DIAPH3: variants seen among roughly 807,000 people sequenced by gnomAD.
DIAPH3 encodes the protein protein diaphanous homolog 3.
Under a neutral mutation model 144.3 loss-of-function variants are expected in DIAPH3, and 117 were observed. That is an observed-to-expected ratio of 0.81 (90% CI 0.70 to 0.95). The LOEUF (loss-of-function observed/expected upper bound fraction) is 0.95, where lower values mean the gene tolerates loss of function less well. Among genes scored for constraint, DIAPH3 ranks in the 40% least tolerant of loss-of-function variants. The pLI is 0.00. For synonymous variants in DIAPH3, 519 were observed against 488.9 expected, an observed-to-expected ratio of 1.06 and a Z score of -0.81; for missense variants, 1,421 against 1,412.7, an observed-to-expected ratio of 1.01 and a Z score of -0.09.
chr13:59,942,011 A>G (rs1413596054), intron 17 of DIAPH3, among the ~76,000 whole-genome samples: 1 of 152,178 alleles, frequency 6.6e-6, no homozygotes, highest in Non-Finnish European at 1.5e-5. Context: ...TTAGTTTCCC[A>G]AATACTCATA....
intron 5 of DIAPH3, among the ~76,000 whole-genome samples, chr13:60,037,817 C>T (rs995402488): frequency 5.9e-5 from 9 of 151,682 alleles, no homozygotes; most frequent in East Asian, 1.9e-4. Flanking sequence ...GATTATCAGA[C>T]GGGATAAAAA....
At chr13:60,133,576 T>A (rs1415459162) in intron 1 of DIAPH3, among the ~76,000 whole-genome samples, 1 of 152,152 alleles carries the variant, frequency 6.6e-6, no homozygotes, top group East Asian at 1.9e-4. Flanking sequence ...TCATGAGTGG[T>A]GACAGTAGAC....
In DIAPH3 at chr13:60,095,458, G is replaced by A. The variant is rs143715086; in HGVS notation, c.391-1726C>T. 3.9e-3 allele frequency among the ~76,000 whole-genome samples: 597 copies of A among 152,030 alleles called. 5 individuals carry two copies. The highest frequency in any genetic ancestry group is 0.014 in the African/African-American group (580 of 41,444). Reference sequence around the variant, plus strand: ...TGGGTCAATGTAAATTAAGGGGTGGGTTATTTAGAATTTTCTAGGAAAGGG... The same window carrying A: ...TGGGTCAATGTAAATTAAGGGGTGGATTATTTAGAATTTTCTAGGAAAGGG... On this transcript the variant is annotated intron_variant, in intron 3 of 27. Transcript: ENST00000400324.
At chr13:59,812,467 T>C (rs1422475137) in intron 24 of DIAPH3, among the ~76,000 whole-genome samples, 1 of 152,054 alleles carries the variant, frequency 6.6e-6, no homozygotes, top group Non-Finnish European at 1.5e-5. Context: ...AAAACAAGTT[T>C]ACATTCTATA....
intron 27 of DIAPH3, among the ~76,000 whole-genome samples, chr13:59,689,273 G>A (rs968195179): frequency 2.6e-5 from 4 of 152,048 alleles, no homozygotes; most frequent in Non-Finnish European, 5.9e-5. Context: ...TGAGCCTCAA[G>A]TATTCTGTTA....
intron 27 of DIAPH3, among the ~76,000 whole-genome samples, chr13:59,764,647 CA>C (rs1425973598): frequency 6.7e-6 from 1 of 149,344 alleles, no homozygotes; most frequent in Non-Finnish European, 1.5e-5. Flanking sequence ...AGCCATGTGA[CA>C]AGTTAAAGGA....
At chr13:59,834,021 C>T (rs2041917722) in intron 23 of DIAPH3, among the ~76,000 whole-genome samples, 1 of 151,516 alleles carries the variant, frequency 6.6e-6, no homozygotes. Flanking sequence ...TTTCTTTATG[C>T]ATTAGATTAT....
At chr13:59,768,767 C>A (rs1396409926) in intron 27 of DIAPH3, among the ~76,000 whole-genome samples, 1 of 152,060 alleles carries the variant, frequency 6.6e-6, no homozygotes, top group African/African-American at 2.4e-5. Flanking sequence ...CTATAAAAAT[C>A]TCTCAAAGTG....
intron 9 of DIAPH3, among the ~76,000 whole-genome samples, chr13:59,993,899 T>G (rs899339819): frequency 6.6e-6 from 1 of 151,732 alleles, no homozygotes; most frequent in Non-Finnish European, 1.5e-5. Context: ...AAATAATGCT[T>G]CTCTACATTC....
At chr13:59,859,535 T>C (rs2043452335) in intron 22 of DIAPH3, among the ~76,000 whole-genome samples, 1 of 152,126 alleles carries the variant, frequency 6.6e-6, no homozygotes, top group South Asian at 2.1e-4. Context: ...CAATAAAAAA[T>C]ACATCTACTC....
intron 21 of DIAPH3, among the ~76,000 whole-genome samples, chr13:59,878,435 A>C (rs1449998049): frequency 1.3e-5 from 2 of 152,144 alleles, no homozygotes; most frequent in Non-Finnish European, 2.9e-5. Flanking sequence ...TTCCCTAACT[A>C]GCTGGCAATA....
At chr13:59,903,846 G>A (rs1430631896) in intron 20 of DIAPH3, among the ~76,000 whole-genome samples, 2 of 152,032 alleles carry the variant, frequency 1.3e-5, no homozygotes, top group Non-Finnish European at 2.9e-5. Flanking sequence ...TAACATACAT[G>A]TATATGTTAT....
intron 27 of DIAPH3, among the ~76,000 whole-genome samples, chr13:59,731,787 C>A (rs1341802678): frequency 6.6e-6 from 1 of 152,088 alleles, no homozygotes; most frequent in Non-Finnish European, 1.5e-5. Flanking sequence ...AGTAAAGTTG[C>A]TTAGCTTTTC....
At chr13:59,742,723 A>AAAATAAAGG (rs148548010) in intron 27 of DIAPH3, among the ~76,000 whole-genome samples, 5 of 151,450 alleles carry the variant, frequency 3.3e-5, no homozygotes, top group African/African-American at 1.2e-4. Flanking sequence ...GAAAAGAAAG[A>AAAATAAAGG]AAAGAAAGAA....
intron 20 of DIAPH3, among the ~76,000 whole-genome samples, chr13:59,896,284 A>G (rs1191939915): frequency 6.6e-6 from 1 of 152,180 alleles, no homozygotes. Flanking sequence ...AATAAACTTC[A>G]TATAACTGCT....
chr13:60,089,793 A>G (rs1343000902), intron 4 of DIAPH3, among the ~76,000 whole-genome samples: 1 of 152,196 alleles, frequency 6.6e-6, no homozygotes, highest in African/African-American at 2.4e-5. Flanking sequence ...TCTCTCATCT[A>G]TGCTATGAGT....
At chr13:60,069,984 T>G (rs1241972705) in intron 4 of DIAPH3, among the ~76,000 whole-genome samples, 1 of 152,164 alleles carries the variant, frequency 6.6e-6, no homozygotes, top group South Asian at 2.1e-4. Flanking sequence ...ACAGAATTTA[T>G]AGAATACATT....
intron 4 of DIAPH3, among the ~76,000 whole-genome samples, chr13:60,071,702 T>A (rs2057213594): frequency 6.6e-6 from 1 of 152,194 alleles, no homozygotes; most frequent in East Asian, 1.9e-4. Context: ...CTACATAGTA[T>A]GAACTGGTTC....
intron 2 of DIAPH3, among the ~76,000 whole-genome samples, chr13:60,131,587 A>C (rs953220913): frequency 6.6e-6 from 1 of 152,144 alleles, no homozygotes; most frequent in South Asian, 2.1e-4. Flanking sequence ...CAGAACAGGC[A>C]AATCTATACA....
Sources: allele counts gnomAD v4.1 joint callset (sites outside exome capture counted in the v4.1 genomes callset), GRCh38; gene constraint gnomAD v4.1.1; transcripts MANE v1.5; gene names NCBI Gene and HGNC (gene_info 2026-07-23, HGNC 2026-07-21).